NOL4: variants seen among roughly 807,000 people sequenced by gnomAD.
The protein encoded by NOL4 is cancer/testis antigen 125.
In NOL4, 17 loss-of-function variants were observed where a neutral mutation model predicts 75.9. The observed-to-expected ratio is 0.22, with a 90% CI of 0.15 to 0.34. The LOEUF is 0.34. Among genes scored for constraint, NOL4 ranks in the 10% least tolerant of loss-of-function variants. The pLI is 1.00. For missense variants in NOL4, 614 were observed against 793.5 expected, an observed-to-expected ratio of 0.77 and a Z score of 2.72; for synonymous variants, 292 against 289.9, an observed-to-expected ratio of 1.01 and a Z score of -0.07.
At position 34,129,743 on chromosome 18, in the gene NOL4, G is replaced by A; in HGVS notation, c.414+128C>T. ...AAAATAATTATAGTTTAAATGTTGG[G>A]CATGACCATCATATGGCCTAATTTA... On this transcript the variant is annotated intron_variant, in intron 2 of 10. Coordinates refer to ENST00000261592, the MANE Select transcript of NOL4 (RefSeq NM_003787.5). 4 of 769,532 alleles carry A rather than the reference G, an allele frequency of 5.2e-6. No individual in the cohort carries two copies. The Middle Eastern group carries it at 1.0e-3, about 193-fold the overall frequency. The allele number at this position is 769,532 out of a possible 1,614,324, so 47.7% of individuals were successfully genotyped here.
intron 5 of NOL4, among the ~76,000 whole-genome samples, chr18:34,038,228 A>G (rs990615306): frequency 6.6e-6 from 1 of 152,126 alleles, no homozygotes; most frequent in African/African-American, 2.4e-5. Flanking sequence ...TATTATAAAA[A>G]ATAAAATGTA....
intron 6 of NOL4, among the ~76,000 whole-genome samples, chr18:34,018,556 G>C (rs916336099): frequency 2.6e-5 from 4 of 151,916 alleles, no homozygotes; most frequent in Non-Finnish European, 5.9e-5. Flanking sequence ...GCACTCAAAA[G>C]GTATATTCCA....
chr18:34,194,986 T>G (rs1013366712), intron 1 of NOL4, among the ~76,000 whole-genome samples: 1 of 150,330 alleles, frequency 6.7e-6, no homozygotes, highest in African/African-American at 2.5e-5. Context: ...ATCACGCCAT[T>G]GCACTCCAGC....
intron 10 of NOL4, among the ~76,000 whole-genome samples, chr18:33,857,372 A>G (rs1055933188): frequency 2.0e-5 from 3 of 151,986 alleles, no homozygotes; most frequent in African/African-American, 7.2e-5. Flanking sequence ...GCAGTTTTCT[A>G]TTACTGTGAT....
chr18:34,150,743 C>G (rs1367761031), intron 1 of NOL4, among the ~76,000 whole-genome samples: 1 of 151,452 alleles, frequency 6.6e-6, no homozygotes, highest in Non-Finnish European at 1.5e-5. Flanking sequence ...AATTGATAAG[C>G]TAGACTTCAT....
intron 1 of NOL4, among the ~76,000 whole-genome samples, chr18:34,142,664 C>T (rs923075161): frequency 7.2e-5 from 11 of 152,042 alleles, no homozygotes. Flanking sequence ...GGGAACATCA[C>T]ACACTGGGGC....
intron 5 of NOL4, among the ~76,000 whole-genome samples, chr18:34,031,936 C>T (rs547419969): frequency 6.6e-6 from 1 of 152,184 alleles, no homozygotes; most frequent in Non-Finnish European, 1.5e-5. Context: ...ACAGTGGGTC[C>T]CAAAAAACAC....
In NOL4 at chr18:34,105,022, A is replaced by C. The variant is rs753072171; in HGVS notation, c.526+27T>G. On this transcript the variant is annotated intron_variant, in intron 3 of 10. Transcript: ENST00000261592. ...GGCCATTATGAATAAAATTACTTTA[A>C]ATCTCACTATTTGACACTGCAGCTA... is the stretch of plus-strand genomic sequence containing the variant. The C allele has an allele frequency of 2.2e-6, 3 of 1,394,528 alleles. No homozygotes were observed. The South Asian group carries it at 3.5e-5, about 16-fold the overall frequency. The allele number at this position is 1,394,528 out of a possible 1,614,324, so 86.4% of individuals were successfully genotyped here. A position where few individuals can be genotyped will look rare whatever the true frequency, so the allele number is the denominator to read the frequency against.
intron 1 of NOL4, among the ~76,000 whole-genome samples, chr18:34,182,661 A>G (rs2034133294): frequency 6.6e-6 from 1 of 151,714 alleles, no homozygotes; most frequent in African/African-American, 2.4e-5. Flanking sequence ...GCCTGAAAAG[A>G]TATGCTCCAG....
In NOL4 at chr18:33,883,012, C is replaced by T. The variant is rs371665538; in HGVS notation, c.1723+232G>A. Among the ~76,000 whole-genome samples the T allele has an allele frequency of 1.3e-3, 198 of 151,916 alleles. 3 individuals are homozygous for T. Among genetic ancestry groups the T allele is most frequent in the African/African-American group, 4.6e-3 (190 of 41,370 alleles). On this transcript the variant is annotated intron_variant, in intron 10 of 10. Coordinates refer to ENST00000261592, the MANE Select transcript of NOL4 (RefSeq NM_003787.5). ...ATAGGTGGGAATTGAACAATGAGAA[C>T]ACATGGACACAGGAAGGGGAATATC...
intron 1 of NOL4, among the ~76,000 whole-genome samples, chr18:34,143,648 C>T (rs2081277524): frequency 6.6e-6 from 1 of 151,940 alleles, no homozygotes; most frequent in African/African-American, 2.4e-5. Context: ...GGGTGGATCA[C>T]TTGAGGTCAG....
chr18:34,215,877 C>T (rs1255978005), intron 1 of NOL4, among the ~76,000 whole-genome samples: 1 of 152,116 alleles, frequency 6.6e-6, no homozygotes, highest in Non-Finnish European at 1.5e-5. Context: ...TCTATTAAGC[C>T]ATAAATAGAC....
At chr18:34,027,053 C>A (rs2075378682) in intron 5 of NOL4, among the ~76,000 whole-genome samples, 1 of 152,204 alleles carries the variant, frequency 6.6e-6, no homozygotes, top group African/African-American at 2.4e-5. Flanking sequence ...AACACTAGCA[C>A]TTAATGACAT....
At position 34,144,817 on chromosome 18, in the gene NOL4, C is replaced by T. The variant is rs568216966; in HGVS notation, c.265-14797G>A. 5.3e-5 allele frequency among the ~76,000 whole-genome samples: 8 copies of T among 152,200 alleles called. No individual in the cohort carries two copies. The East Asian group carries it at 9.7e-4, about 18-fold the overall frequency. On this transcript the variant is annotated intron_variant, in intron 1 of 10. Coordinates refer to ENST00000261592, the MANE Select transcript of NOL4 (RefSeq NM_003787.5). ...TACGATAAAATCAAAGTGCCCTTTA[C>T]GTTAAAAGGCTGACATGCAGTTCTC...
intron 6 of NOL4, among the ~76,000 whole-genome samples, chr18:33,967,883 T>G (rs889435812): frequency 6.6e-6 from 1 of 151,936 alleles, no homozygotes; most frequent in African/African-American, 2.4e-5. Context: ...ATTAGGAATT[T>G]GAGACCAGCC....
At chr18:34,210,989 G>A (rs2036472661) in intron 1 of NOL4, among the ~76,000 whole-genome samples, 1 of 151,956 alleles carries the variant, frequency 6.6e-6, no homozygotes, top group African/African-American at 2.4e-5. Flanking sequence ...TCATGAATTT[G>A]TAGAAAAATC....
chr18:33,997,656 C>T (rs2073394217), intron 6 of NOL4, among the ~76,000 whole-genome samples: 1 of 148,240 alleles, frequency 6.7e-6, no homozygotes. Flanking sequence ...AGTATATATA[C>T]TTTACATAAA....
chr18:33,972,361 A>T (rs573683491), intron 6 of NOL4, among the ~76,000 whole-genome samples: 47 of 152,258 alleles, frequency 3.1e-4, no homozygotes, highest in African/African-American at 1.1e-3. Context: ...AACATATGAC[A>T]AGATGCTTAG....
Position 34,224,591 on chromosome 18 carries a change from G to C in NOL4, c.-1338C>G, listed in dbSNP as rs2037500842. On this transcript the variant is annotated 5_prime_UTR_variant, in exon 1 of 11. Transcript: ENST00000261592. ...CGCGCCCGTCCCGGGGAGCGGCTCT[G>C]CCAGGAAAACGGCCCGACCAGTGCC... The C allele has an allele frequency of 6.6e-6, 1 of 152,252 alleles. No homozygotes were observed. The highest frequency in any genetic ancestry group is 1.5e-5 in the Non-Finnish European group (1 of 68,124). 9.4% of individuals were successfully genotyped at this position (152,252 alleles called of 1,614,324 possible). A position where few individuals can be genotyped will look rare whatever the true frequency, so the allele number is the denominator to read the frequency against.
Sources: allele counts gnomAD v4.1 joint callset (sites outside exome capture counted in the v4.1 genomes callset), GRCh38; gene constraint gnomAD v4.1.1; transcripts MANE v1.5; gene names NCBI Gene and HGNC (gene_info 2026-07-23, HGNC 2026-07-21).